The following UBR3 variants were observed in gnomAD, a reference collection of about 807,000 sequenced individuals.
UBR3 encodes E3 ubiquitin-protein ligase UBR3.
A neutral mutation model predicts 243.2 loss-of-function variants in UBR3; 85 were observed. That is an observed-to-expected ratio of 0.35 (90% CI 0.29 to 0.42). The LOEUF (loss-of-function observed/expected upper bound fraction) is 0.42. Among genes scored for constraint, UBR3 ranks in the 10% least tolerant of loss-of-function variants. The probability of loss-of-function intolerance (pLI) is 1.00; values close to 1 mark genes in which losing one functional copy is unlikely to be tolerated. For synonymous variants in UBR3, 748 were observed against 799.8 expected, an observed-to-expected ratio of 0.94 and a Z score of 1.09; for missense variants, 1,686 against 2,300.8, an observed-to-expected ratio of 0.73 and a Z score of 5.47.
In UBR3 at chr2:169,949,910, T is replaced by C. The variant is rs754284784; in HGVS notation, c.3390T>C (p.Asp1130=). 26 of 1,613,270 alleles carry C rather than the reference T, an allele frequency of 1.6e-5. No homozygotes were observed. Among genetic ancestry groups the C allele is most frequent in the Admixed American group, 3.3e-5 (2 of 59,854 alleles). The part of the protein sequence containing the change: ...QPEIPKYSHG[D]GITAVERILL... ...AAATTCCTAAATACAGTCATGGAGA[T>C]GGTATAACTGCCGTGGAAAGAATTT... Residue 1130 remains aspartate, a synonymous_variant, in exon 23 of 39, where the codon GAT becomes GAC. Coordinates refer to ENST00000272793, the MANE Select transcript of UBR3 (RefSeq NM_172070.4).
At chr2:169,832,875 G>C (rs1306323725) in intron 1 of UBR3, among the ~76,000 whole-genome samples, 2 of 151,410 alleles carry the variant, frequency 1.3e-5, no homozygotes, top group Non-Finnish European at 2.9e-5. Flanking sequence ...GGAGGTTACA[G>C]TGAGCCAAGA....
chr2:169,915,007 A>G (rs2085404299), intron 11 of UBR3, among the ~76,000 whole-genome samples: 1 of 152,122 alleles, frequency 6.6e-6, no homozygotes, highest in African/African-American at 2.4e-5. Context: ...ACCCCCATGC[A>G]TTTCAGTGTT....
At chr2:170,058,683 CTT>C (rs1408240478) in intron 33 of UBR3, among the ~76,000 whole-genome samples, 1 of 151,820 alleles carries the variant, frequency 6.6e-6, no homozygotes, top group Non-Finnish European at 1.5e-5. Context: ...ACCTGGCTAA[CTT>C]TCCCATTTTT....
At chr2:169,925,486 T>G in intron 13 of UBR3, 133 bp from the exon 14 acceptor site, 1 of 773,670 alleles carries the variant, frequency 1.3e-6, no homozygotes, top group Non-Finnish European at 1.8e-6. Flanking sequence ...TTCAACTGAT[T>G]ATCTTTAACA....
intron 26 of UBR3, 130 bp from the exon 27 acceptor site, chr2:170,001,174 C>A: frequency 1.6e-6 from 1 of 643,128 alleles, no homozygotes; most frequent in Non-Finnish European, 2.6e-6. Context: ...TAATTGATAT[C>A]ACAAGAATAG....
intron 31 of UBR3, among the ~76,000 whole-genome samples, chr2:170,033,591 C>G (rs1240277811): frequency 1.8e-5 from 2 of 108,584 alleles, no homozygotes; most frequent in South Asian, 3.8e-4. Context: ...ACCCCCCCCC[C>G]CCCCAATATT....
intron 19 of UBR3, among the ~76,000 whole-genome samples, chr2:169,940,004 AT>A (rs1288401866): frequency 1.3e-5 from 2 of 152,104 alleles, no homozygotes; most frequent in African/African-American, 4.8e-5. Flanking sequence ...TTTTAAAAAT[AT>A]TTTTAATTGA....
At chr2:170,061,288 AC>A (rs750771375) in intron 34 of UBR3, 29 bp from the exon 35 acceptor site, 1 of 1,607,540 alleles carries the variant, frequency 6.2e-7, no homozygotes, top group Non-Finnish European at 8.5e-7. Context: ...TTGTAGACTG[AC>A]TTGTTCAAAT....
At chr2:169,952,562 G>A (rs2087084091) in intron 23 of UBR3, among the ~76,000 whole-genome samples, 1 of 152,122 alleles carries the variant, frequency 6.6e-6, no homozygotes, top group Non-Finnish European at 1.5e-5. Flanking sequence ...GGGCGTGGTG[G>A]CGTGTGCCTG....
rs1475669353 is a variant in UBR3 at position 169,926,913 on chromosome 2, G to A, written c.2280G>A (p.Ser760=). 11 of 1,551,110 alleles carry A rather than the reference G, an allele frequency of 7.1e-6. No individual in the cohort carries two copies. The highest frequency in any genetic ancestry group is 2.4e-5 in the East Asian group (1 of 40,906). ...TACTTGATGCAGAGCATGAGAGGTC[G>A]ATGTTAGAAGGCGCTCTTACATTTC... The part of the protein sequence containing the change: ...NTVLDAEHER[S]MLEGALTFLV... Residue 760 remains serine (S), a synonymous_variant, in exon 16 of 39, where the codon TCG becomes TCA. Transcript: ENST00000272793.
intron 24 of UBR3, among the ~76,000 whole-genome samples, chr2:169,977,538 G>C (rs1433758708): frequency 1.3e-5 from 2 of 152,236 alleles, no homozygotes; most frequent in Admixed American, 1.3e-4. Context: ...AAGCCCAAAG[G>C]CCAAAGAACC....
intron 29 of UBR3, among the ~76,000 whole-genome samples, chr2:170,012,889 G>T (rs1327484315): frequency 6.6e-6 from 1 of 152,058 alleles, no homozygotes; most frequent in Non-Finnish European, 1.5e-5. Context: ...GGATTGAGAG[G>T]ACAGCATACT....
chr2:169,836,001 CTCTCTCTCTCTCT>C (rs2082078401), intron 1 of UBR3, among the ~76,000 whole-genome samples: 2 of 8,148 alleles, frequency 2.5e-4, no homozygotes, highest in African/African-American at 1.1e-3. Flanking sequence ...CTGTCTCTCT[CTCTCTCTCTCTCT>C]CTCTCTCTCT....
rs1187712413 is a variant in UBR3 at position 169,986,572 on chromosome 2, T to C, written c.3635-73T>C. 1.1e-5 allele frequency: 16 copies of C among 1,464,978 alleles called. No homozygotes were observed. The East Asian group carries it at 3.2e-4, about 29-fold the overall frequency. The allele number at this position is 1,464,978 out of a possible 1,614,324, so 90.7% of individuals were successfully genotyped here. ...AAGCTAAAAATTGTTTGAACTTGAT[T>C]TTTCTCTCACACTTTCATTGAAGAG... On this transcript the variant is annotated intron_variant, in intron 24 of 38. Transcript: ENST00000272793.
intron 23 of UBR3, among the ~76,000 whole-genome samples, chr2:169,956,250 A>G (rs139093740): frequency 9.2e-6 from 1 of 108,816 alleles, no homozygotes; most frequent in South Asian, 3.6e-4. Context: ...CTATCTGGAT[A>G]GATATATTTA....
chr2:169,889,900 A>G (rs1016033513), intron 5 of UBR3, among the ~76,000 whole-genome samples: 1 of 152,232 alleles, frequency 6.6e-6, no homozygotes, highest in Non-Finnish European at 1.5e-5. Flanking sequence ...TGAGAAAAGT[A>G]TCTTGGAATT....
At chr2:169,974,327 C>T (rs1228177454) in intron 24 of UBR3, among the ~76,000 whole-genome samples, 6 of 152,062 alleles carry the variant, frequency 3.9e-5, no homozygotes, top group East Asian at 1.9e-4. Flanking sequence ...CTTTTTATTA[C>T]TGATTCAATC....
chr2:169,828,661 G>C (rs1283493734), intron 1 of UBR3, among the ~76,000 whole-genome samples: 1 of 152,186 alleles, frequency 6.6e-6, no homozygotes, highest in Non-Finnish European at 1.5e-5. Context: ...CTGTTGAGCT[G>C]TCAGTGGATT....
intron 32 of UBR3, among the ~76,000 whole-genome samples, chr2:170,052,106 C>G (rs2091232204): frequency 6.6e-6 from 1 of 152,150 alleles, no homozygotes; most frequent in African/African-American, 2.4e-5. Context: ...CAAGCCTGCT[C>G]TCATCCTCTG....
Sources: gnomAD v4.1 joint callset for allele counts (sites outside exome capture counted in the v4.1 genomes callset) on GRCh38, gnomAD v4.1.1 for gene constraint, MANE v1.5 for transcripts, NCBI Gene and HGNC (gene_info 2026-07-23, HGNC 2026-07-21) for gene names.